Variants in TANC2 observed in about 807,000 individuals in gnomAD.
TANC2 encodes protein TANC2.
Under a neutral mutation model 210.5 loss-of-function variants are expected in TANC2, and 26 were observed. The observed-to-expected ratio is 0.12, with a 90% CI of 0.09 to 0.17. TANC2 has a LOEUF of 0.17. TANC2 is among the 10% of genes least tolerant of loss of function. The pLI, the probability that TANC2 is intolerant of heterozygous loss-of-function variation, is 1.00. For missense variants in TANC2, 2,129 were observed against 2,608.9 expected (o/e 0.82, Z 4.01); for synonymous variants, 931 against 967.1 (o/e 0.96, Z 0.69).
chr17:63,213,212 T>C (rs1282532263), intron 7 of TANC2, among the ~76,000 whole-genome samples: 1 of 152,262 alleles, frequency 6.6e-6, no homozygotes, highest in Non-Finnish European at 1.5e-5. Context: ...GCTATGTTTC[T>C]GGCATATATA....
intron 5 of TANC2, among the ~76,000 whole-genome samples, chr17:63,165,683 A>C (rs2040187701): frequency 6.6e-6 from 1 of 152,228 alleles, no homozygotes; most frequent in South Asian, 2.1e-4. Context: ...TTTGTCATTT[A>C]GATTAATGTG....
intron 9 of TANC2, among the ~76,000 whole-genome samples, chr17:63,288,745 A>T (rs992779376): frequency 6.6e-6 from 1 of 152,182 alleles, no homozygotes; most frequent in Non-Finnish European, 1.5e-5. Context: ...AATAAAAAAA[A>T]AATAAAAGTT....
chr17:63,238,107 C>CTGT (rs767682773), intron 8 of TANC2, 30 bp downstream of exon 8: 1 of 1,503,520 alleles, frequency 6.7e-7, no homozygotes, highest in Non-Finnish European at 8.9e-7. Context: ...GTTGTTGTTG[C>CTGT]TGTTGTTAAA....
chr17:63,061,223 C>T (rs1332110942), intron 2 of TANC2, among the ~76,000 whole-genome samples: 3 of 151,802 alleles, frequency 2.0e-5, no homozygotes, highest in Non-Finnish European at 2.9e-5. Flanking sequence ...AAAAATTAGC[C>T]GGGCGTGGTG....
rs1474836668 is a variant in TANC2 at position 63,411,938 on chromosome 17, GGTGGAACA to G, written c.3766-56_3766-49del. The G allele has an allele frequency of 1.1e-5, 18 of 1,592,292 alleles. No homozygotes were observed. The South Asian group carries it at 2.0e-4, about 18-fold the overall frequency. On this transcript the variant is annotated intron_variant, in intron 22 of 27. Coordinates refer to ENST00000689528, the Ensembl canonical transcript of TANC2. ...AGGGCAGGCAGCAGCCAGAGCCCTC[GGTGGAACA>G]GTGCTGAGCCATTACGCCTGTCCTA...
intron 19 of TANC2, among the ~76,000 whole-genome samples, chr17:63,404,733 C>T (rs374916675): frequency 1.3e-5 from 2 of 151,628 alleles, no homozygotes; most frequent in South Asian, 2.1e-4. Context: ...AAAAAAAAAA[C>T]TTTTTATCTC....
chr17:63,053,437 CTTT>C (rs962506135), intron 2 of TANC2, among the ~76,000 whole-genome samples: 1 of 152,228 alleles, frequency 6.6e-6, no homozygotes, highest in Admixed American at 6.5e-5. Flanking sequence ...AAAACCCCTT[CTTT>C]GTTTCTATAC....
At chr17:63,179,742 A>G (rs888223284) in intron 5 of TANC2, among the ~76,000 whole-genome samples, 1 of 152,004 alleles carries the variant, frequency 6.6e-6, no homozygotes, top group Non-Finnish European at 1.5e-5. Flanking sequence ...CATTAATTTC[A>G]AGTACACCCT....
chr17:63,129,428 A>G lies in TANC2; in HGVS notation c.323-21842A>G, dbSNP rs532832839. Among the ~76,000 whole-genome samples, 3 of 152,322 alleles carry G rather than the reference A, an allele frequency of 2.0e-5. No homozygotes were observed. In the South Asian group the frequency reaches 6.2e-4, roughly 32 times the overall value. On this transcript the variant is annotated intron_variant, in intron 4 of 27. Coordinates refer to ENST00000689528, the Ensembl canonical transcript of TANC2. Reference sequence around the variant, plus strand: ...CCTCTCTTATAAAATGTGCATAACAAGAGTAGCTACCTCATAAGAATGTTA... The same window carrying G: ...CCTCTCTTATAAAATGTGCATAACAGGAGTAGCTACCTCATAAGAATGTTA...
chr17:63,099,142 C>T lies in TANC2; in HGVS notation c.140-33C>T, dbSNP rs751170734. On this transcript the variant is annotated intron_variant, in intron 3 of 27. Transcript: ENST00000689528. ...TAATAGGGAAGGCAGGATCTTTTCT[C>T]ACCAGCTCTTTTGTTCCATCCCCTT... The T allele has an allele frequency of 1.0e-4, 160 of 1,598,928 alleles. 1 individual carries two copies. In the Middle Eastern group the frequency reaches 5.3e-3, roughly 53 times the overall value.
At chr17:63,373,163 C>T (rs914341414) in intron 14 of TANC2, among the ~76,000 whole-genome samples, 6 of 151,926 alleles carry the variant, frequency 3.9e-5, no homozygotes, top group East Asian at 1.9e-4. Context: ...CCCAAAGTGC[C>T]GAGACTACAG....
At chr17:63,127,948 G>A (rs543987923) in intron 4 of TANC2, among the ~76,000 whole-genome samples, 5 of 152,136 alleles carry the variant, frequency 3.3e-5, no homozygotes, top group African/African-American at 4.8e-5. Context: ...AGGCCAGTAG[G>A]CTACCTTCTA....
At chr17:63,088,245 C>T (rs2037050785) in intron 3 of TANC2, 1 of 152,104 alleles carries the variant, frequency 6.6e-6, no homozygotes, top group Admixed American at 6.5e-5. Context: ...CATAAGGTTT[C>T]TTTCCAGTGT....
At chr17:63,125,500 G>A (rs1348733669) in intron 4 of TANC2, among the ~76,000 whole-genome samples, 4 of 152,216 alleles carry the variant, frequency 2.6e-5, no homozygotes, top group Non-Finnish European at 4.4e-5. Flanking sequence ...TGAATCAGAA[G>A]GCTTAAATTT....
At chr17:63,059,232 A>C (rs766398328) in intron 2 of TANC2, among the ~76,000 whole-genome samples, 28 of 152,130 alleles carry the variant, frequency 1.8e-4, no homozygotes, top group Non-Finnish European at 3.8e-4. Flanking sequence ...ACAACTTAAC[A>C]TTTTCCCTTT....
rs34126221 is a variant in TANC2, at chr17:63,013,762, T to TAAA, written c.67+4159_67+4161dup. Reference sequence around the variant, plus strand: ...GGGCGACAGAGTGAGACCCTGTCTTTAAAAAAAAAAAAAAAAAAAAAAAAA... The same window carrying TAAA: ...GGGCGACAGAGTGAGACCCTGTCTTTAAAAAAAAAAAAAAAAAAAAAAAAAAAA... On this transcript the variant is annotated intron_variant, in intron 2 of 27. Transcript: ENST00000689528. Among the ~76,000 whole-genome samples, 32 of 101,750 alleles carry TAAA rather than the reference T, an allele frequency of 3.1e-4. 1 individual carries two copies. The highest frequency in any genetic ancestry group is 1.6e-3 in the East Asian group (5 of 3,118). 66.8% of individuals were successfully genotyped at this position (101,750 alleles called of 152,430 possible).
chr17:63,175,113 A>G (rs1356633133), intron 5 of TANC2, among the ~76,000 whole-genome samples: 2 of 152,258 alleles, frequency 1.3e-5, no homozygotes, highest in African/African-American at 2.4e-5. Context: ...TAATACGAAC[A>G]TGCAAATGAC....
chr17:63,083,043 A>G (rs1033115009), intron 3 of TANC2, among the ~76,000 whole-genome samples: 6 of 152,216 alleles, frequency 3.9e-5, no homozygotes, highest in African/African-American at 1.4e-4. Context: ...TCCATGAGTC[A>G]GTATAGAACA....
At chr17:63,216,519 C>T (rs1429385213) in intron 7 of TANC2, among the ~76,000 whole-genome samples, 1 of 152,160 alleles carries the variant, frequency 6.6e-6, no homozygotes, top group East Asian at 1.9e-4. Flanking sequence ...CACTCTATAG[C>T]CAATTGGTCA....
Sources: gnomAD v4.1 joint callset for allele counts (sites outside exome capture counted in the v4.1 genomes callset) on GRCh38, gnomAD v4.1.1 for gene constraint, MANE v1.5 for transcripts, NCBI Gene and HGNC (gene_info 2026-07-23, HGNC 2026-07-21) for gene names.